Variants in ZNF736 observed in about 807,000 individuals in gnomAD.
The protein encoded by ZNF736 is KRAB-containing zinc-finger repressor protein.
In ZNF736, 6 loss-of-function variants were observed where a neutral mutation model predicts 11.7. The observed-to-expected ratio is 0.51, with a 90% CI of 0.28 to 1.01. ZNF736 has a LOEUF of 1.01. Among genes scored for constraint, ZNF736 ranks in the 50% least tolerant of loss-of-function variants. ZNF736 has a pLI of 0.09. For synonymous variants in ZNF736, 139 were observed against 164.7 expected (o/e 0.84, Z 1.19); for missense variants, 444 against 496.0 (o/e 0.90, Z 1.00).
At chr7:64,342,719 A>G (rs1789355567) in intron 3 of ZNF736, among the ~76,000 whole-genome samples, 1 of 152,116 alleles carries the variant, frequency 6.6e-6, no homozygotes, top group Admixed American at 6.5e-5. Flanking sequence ...TCAAATGTAT[A>G]TGTTGTATAA....
chr7:64,316,695 T>C (rs1788922294), intron 1 of ZNF736, among the ~76,000 whole-genome samples: 2 of 152,198 alleles, frequency 1.3e-5, no homozygotes, highest in Admixed American at 1.3e-4. Flanking sequence ...TCAACTTCAG[T>C]TTTTCATTAA....
At position 64,348,736 on chromosome 7, in the gene ZNF736, C is replaced by T. The variant is rs761355101; in HGVS notation, c.873C>T (p.Asn291=). 25 of 1,604,738 alleles carry T rather than the reference C, an allele frequency of 1.6e-5. No homozygotes were observed. The East Asian group carries it at 5.6e-4, about 36-fold the overall frequency. ...GEKPYKCEEC[N]KAYRWFSDLA... ...AACCCTACAAATGTGAAGAATGTAA[C>T]AAAGCCTATAGGTGGTTCTCAGACC... The change falls in exon 4 of 4, where the codon AAC becomes AAT. Residue 291 remains asparagine, a synonymous_variant. Coordinates refer to ENST00000423484, the MANE Select transcript of ZNF736 (RefSeq NM_001170905.3).
chr7:64,316,964 A>G (rs1788926505), intron 1 of ZNF736, among the ~76,000 whole-genome samples: 1 of 152,248 alleles, frequency 6.6e-6, no homozygotes, highest in Admixed American at 6.5e-5. Flanking sequence ...TGATGCCTGC[A>G]GAAAAATAAA....
At position 64,344,173 on chromosome 7, in the gene ZNF736, G is replaced by A. The variant is rs538388205; in HGVS notation, c.227-3917G>A. ...TAAAATTAGCCAAGTGTGGTGGTGC[G>A]CGCCTATAATCCCAGCTCCTGCAGA... On this transcript the variant is annotated intron_variant, in intron 3 of 3. Coordinates refer to ENST00000423484, the MANE Select transcript of ZNF736 (RefSeq NM_001170905.3). Among the ~76,000 whole-genome samples, 98 of 152,176 alleles carry A rather than the reference G, an allele frequency of 6.4e-4. 1 individual carries two copies. The highest frequency in any genetic ancestry group is 2.1e-3 in the African/African-American group (88 of 41,518).
rs1789501025 is a variant in ZNF736 at position 64,352,453 on chromosome 7, A to T, written c.*3306A>T. The stretch of plus-strand genomic sequence containing the variant: ...CATATTTTTGCAGGACAGCTCTGCT[A>T]TTCAGAGGTACCACTTCCACCCCCA... On this transcript the variant is annotated 3_prime_UTR_variant, in exon 4 of 4. Coordinates refer to ENST00000423484, the MANE Select transcript of ZNF736 (RefSeq NM_001170905.3). 6.6e-6 allele frequency: 1 copy of T among 152,276 alleles called. No individual in the cohort carries two copies. Among genetic ancestry groups the T allele is most frequent in the Non-Finnish European group, 1.5e-5 (1 of 68,076 alleles). 9.4% of individuals were successfully genotyped at this position (152,276 alleles called of 1,614,324 possible).
At chr7:64,315,641 T>C (rs1417160621) in intron 1 of ZNF736, among the ~76,000 whole-genome samples, 2 of 152,184 alleles carry the variant, frequency 1.3e-5, no homozygotes, top group African/African-American at 4.8e-5. Flanking sequence ...GCCTAATTGC[T>C]AGCTATTTAA....
intron 3 of ZNF736, among the ~76,000 whole-genome samples, chr7:64,343,536 G>A (rs532000615): frequency 3.0e-4 from 46 of 152,272 alleles, no homozygotes; most frequent in African/African-American, 1.1e-3. Context: ...AACAAACCTA[G>A]ACATGTGGCC....
At chr7:64,323,769 A>T (rs1789039101) in intron 1 of ZNF736, among the ~76,000 whole-genome samples, 1 of 152,132 alleles carries the variant, frequency 6.6e-6, no homozygotes, top group Non-Finnish European at 1.5e-5. Flanking sequence ...AAGAACAGCT[A>T]ATGGGTGCTG....
intron 1 of ZNF736, among the ~76,000 whole-genome samples, chr7:64,326,811 A>G (rs1789089012): frequency 6.6e-6 from 1 of 152,128 alleles, no homozygotes; most frequent in Admixed American, 6.5e-5. Flanking sequence ...CCTACTAGTC[A>G]TTCAGGAGCA....
chr7:64,314,569 C>CT (rs1788884727), intron 1 of ZNF736, among the ~76,000 whole-genome samples: 1 of 151,972 alleles, frequency 6.6e-6, no homozygotes, highest in Non-Finnish European at 1.5e-5. Context: ...AATCATGGCC[C>CT]TTTTTTAAAT....
At chr7:64,314,210 G>A in intron 1 of ZNF736, 57 bp downstream of exon 1, 1 of 1,546,258 alleles carries the variant, frequency 6.5e-7, no homozygotes, top group Non-Finnish European at 8.7e-7. Flanking sequence ...GAATCCGGCC[G>A]GAACCGGCTG....
At chr7:64,336,855 C>T (rs1179035455) in intron 2 of ZNF736, 32 bp from the exon 3 acceptor site, 26 of 1,515,142 alleles carry the variant, frequency 1.7e-5, no homozygotes, top group Non-Finnish European at 2.3e-5. Flanking sequence ...ATTATCCTAG[C>T]AAGAGTCATG....
At chr7:64,345,362 G>T (rs1313421931) in intron 3 of ZNF736, among the ~76,000 whole-genome samples, 1 of 151,898 alleles carries the variant, frequency 6.6e-6, no homozygotes, top group Non-Finnish European at 1.5e-5. Flanking sequence ...TGTGTTGAAT[G>T]TGTGGGTCAC....
chr7:64,344,758 A>G (rs548945318), intron 3 of ZNF736, among the ~76,000 whole-genome samples: 5 of 152,126 alleles, frequency 3.3e-5, no homozygotes, highest in Non-Finnish European at 7.4e-5. Flanking sequence ...ATGGTGTACA[A>G]ATAACTCACT....
rs1461555510 is a variant in ZNF736, at chr7:64,348,693, G to T, written c.830G>T (p.Arg277Ile). The change falls in exon 4 of 4, where the codon AGA (arginine) becomes ATA (isoleucine). Residue 277 changes from arginine (R) to isoleucine (I), a missense_variant. Transcript: ENST00000423484. ...TTCTCAGACCTTACTAATCATAAGA[G>T]AATTCATACTGGAGAGAAACCCTAC... ...KCFSDLTNHKRIHTGEKPYKC... is the reference protein window; with the variant it reads ...KCFSDLTNHKIIHTGEKPYKC... The T allele has an allele frequency of 1.9e-6, 3 of 1,608,468 alleles. No homozygotes were observed. The highest frequency in any genetic ancestry group is 2.2e-5 in the South Asian group (2 of 90,462).
rs747512523 is a variant in ZNF736 at position 64,336,245 on chromosome 7, G to C, written c.4-14G>C. 6.2e-7 allele frequency: 1 copy of C among 1,605,944 alleles called. No homozygotes were observed. The highest frequency in any genetic ancestry group is 1.1e-5 in the South Asian group (1 of 90,380). ...CTTTCTATGGTCACTTGGTAAATAT[G>C]TTTTGTTTTCCAGGGAGTGTTGACA... is the stretch of plus-strand genomic sequence containing the variant. On this transcript the variant is annotated splice_polypyrimidine_tract_variant and intron_variant, in intron 1 of 3. Transcript: ENST00000423484.
chr7:64,336,150 C>G, intron 1 of ZNF736, 109 bp from the exon 2 acceptor site: 1 of 1,213,610 alleles, frequency 8.2e-7, no homozygotes, highest in Non-Finnish European at 1.2e-6. Context: ...TACTGGATAA[C>G]TCCAGTAACT....
rs56311839 is a variant in ZNF736, at chr7:64,317,870, C to G, written c.3+3717C>G. 9.4e-3 allele frequency among the ~76,000 whole-genome samples: 1,424 copies of G among 151,956 alleles called. 24 individuals carry two copies. The highest frequency in any genetic ancestry group is 0.033 in the African/African-American group (1,367 of 41,512). Reference sequence around the variant, plus strand: ...GTATTTTTTAAATAACCTCTAAACTCAGCAAAATTGCCGTTTCTTTAAGAA... The same window carrying G: ...GTATTTTTTAAATAACCTCTAAACTGAGCAAAATTGCCGTTTCTTTAAGAA... On this transcript the variant is annotated intron_variant, in intron 1 of 3. Coordinates refer to ENST00000423484, the MANE Select transcript of ZNF736 (RefSeq NM_001170905.3).
intron 3 of ZNF736, among the ~76,000 whole-genome samples, chr7:64,346,107 G>A (rs1219183646): frequency 4.6e-5 from 7 of 152,088 alleles, no homozygotes; most frequent in Non-Finnish European, 7.4e-5. Context: ...CTTCAGTTCC[G>A]TCAATGTTTG....
Sources: allele counts gnomAD v4.1 joint callset (sites outside exome capture counted in the v4.1 genomes callset), GRCh38; gene constraint gnomAD v4.1.1; transcripts MANE v1.5; gene names NCBI Gene and HGNC (gene_info 2026-07-23, HGNC 2026-07-21).